The following ANO10 variants were observed in gnomAD, a reference collection of about 807,000 sequenced individuals.
The protein encoded by ANO10 is anoctamin-10.
Under a neutral mutation model 74.7 loss-of-function variants are expected in ANO10, and 77 were observed. The ratio of observed to expected loss-of-function variants is 1.03; its 90% CI spans 0.86 to 1.25. The LOEUF (loss-of-function observed/expected upper bound fraction) is 1.25. ANO10 is among the 50% of genes most tolerant of loss of function. The pLI, the probability that ANO10 is intolerant of heterozygous loss-of-function variation, is 0.00. For synonymous variants in ANO10, 279 were observed against 284.9 expected (o/e 0.98, Z 0.21); for missense variants, 721 against 778.1 (o/e 0.93, Z 0.87).
At chr3:43,660,541 TAGAGA>T (rs887747925) in intron 1 of ANO10, among the ~76,000 whole-genome samples, 3 of 151,846 alleles carry the variant, frequency 2.0e-5, no homozygotes, top group Non-Finnish European at 2.9e-5. Flanking sequence ...AAGACAAGAT[TAGAGA>T]AAAGAGAGTG....
chr3:43,663,221 T>C (rs1017213490), intron 1 of ANO10, among the ~76,000 whole-genome samples: 1 of 152,216 alleles, frequency 6.6e-6, no homozygotes, highest in African/African-American at 2.4e-5. Flanking sequence ...ATCCCTGGGA[T>C]GCAAGACTGG....
chr3:43,506,646 T>C (rs2149166712), intron 11 of ANO10, among the ~76,000 whole-genome samples: 1 of 152,288 alleles, frequency 6.6e-6, no homozygotes. Context: ...TCTTTGCTGT[T>C]CCTTAATAGC....
chr3:43,526,277 T>G (rs2078193113), intron 11 of ANO10, among the ~76,000 whole-genome samples: 1 of 152,240 alleles, frequency 6.6e-6, no homozygotes, highest in Non-Finnish European at 1.5e-5. Context: ...ATTTTATTAA[T>G]CTCTCTAATC....
At chr3:43,461,891 A>C (rs2075394129) in intron 11 of ANO10, among the ~76,000 whole-genome samples, 1 of 152,232 alleles carries the variant, frequency 6.6e-6, no homozygotes, top group Non-Finnish European at 1.5e-5. Context: ...CAGAGGTTCG[A>C]ACAGTTAGGA....
intron 11 of ANO10, among the ~76,000 whole-genome samples, chr3:43,504,280 A>ATAGG (rs202181247): frequency 0.071 from 10,124 of 143,392 alleles, 484 homozygotes; most frequent in Middle Eastern, 0.11. Context: ...AAATAAGTAG[A>ATAGG]TAGGTAGGTA....
intron 12 of ANO10, among the ~76,000 whole-genome samples, chr3:43,380,506 C>A (rs2091929836): frequency 1.3e-5 from 2 of 152,250 alleles, no homozygotes; most frequent in African/African-American, 2.4e-5. Context: ...TCATCAGAAA[C>A]CCTACAAGCT....
intron 11 of ANO10, among the ~76,000 whole-genome samples, chr3:43,510,667 T>C (rs911038370): frequency 1.3e-5 from 2 of 152,146 alleles, no homozygotes; most frequent in South Asian, 4.1e-4. Flanking sequence ...AACATTTAAA[T>C]TTTAAAAAAA....
Position 43,366,509 on chromosome 3 carries a change from C to A in ANO10, c.*397G>T. On this transcript the variant is annotated 3_prime_UTR_variant, in exon 13 of 13. Coordinates refer to ENST00000292246, the MANE Select transcript of ANO10 (RefSeq NM_018075.5). ...TGTGATGAGCACAGTGGGCACACAC[C>A]CCATCCCCAACCTGTCCACGGGTCC... is the stretch of plus-strand genomic sequence containing the variant. The A allele has an allele frequency of 2.7e-6, 1 of 363,836 alleles. No homozygotes were observed. Among genetic ancestry groups the A allele is most frequent in the Non-Finnish European group, 5.3e-6 (1 of 188,020 alleles). The allele number at this position is 363,836 out of a possible 1,614,324, so 22.5% of individuals were successfully genotyped here. A position where few individuals can be genotyped will look rare whatever the true frequency, so the allele number is the denominator to read the frequency against.
intron 11 of ANO10, among the ~76,000 whole-genome samples, chr3:43,536,233 A>G (rs994649501): frequency 5.3e-5 from 8 of 152,212 alleles, no homozygotes; most frequent in Non-Finnish European, 1.0e-4. Flanking sequence ...TACAAACTTT[A>G]TATTTATTAA....
At chr3:43,513,474 T>C (rs1432964087) in intron 11 of ANO10, among the ~76,000 whole-genome samples, 1 of 151,696 alleles carries the variant, frequency 6.6e-6, no homozygotes, top group Admixed American at 6.6e-5. Context: ...AAAGGAAAAA[T>C]ATGGAATTTC....
At chr3:43,668,379 T>C (rs2084017803) in intron 1 of ANO10, among the ~76,000 whole-genome samples, 1 of 152,190 alleles carries the variant, frequency 6.6e-6, no homozygotes, top group Non-Finnish European at 1.5e-5. Flanking sequence ...CTCTGTGGGC[T>C]GTTTGTTCTG....
At chr3:43,555,490 G>C in intron 9 of ANO10, 21 bp from the exon 10 acceptor site, 1 of 1,607,878 alleles carries the variant, frequency 6.2e-7, no homozygotes, top group Non-Finnish European at 8.5e-7. Flanking sequence ...AAACAAGCAT[G>C]CATTATTTTA....
chr3:43,466,835 A>G (rs968741990), intron 11 of ANO10, among the ~76,000 whole-genome samples: 2 of 152,228 alleles, frequency 1.3e-5, no homozygotes, highest in African/African-American at 4.8e-5. Flanking sequence ...CACTGGGGAA[A>G]ATATCTGCAA....
At chr3:43,532,955 T>C (rs1167813844) in intron 11 of ANO10, among the ~76,000 whole-genome samples, 1 of 152,178 alleles carries the variant, frequency 6.6e-6, no homozygotes, top group Non-Finnish European at 1.5e-5. Flanking sequence ...ACAAACGTTC[T>C]CTATACTCTC....
intron 1 of ANO10, among the ~76,000 whole-genome samples, chr3:43,683,512 A>G (rs2084230121): frequency 6.6e-6 from 1 of 152,208 alleles, no homozygotes; most frequent in East Asian, 1.9e-4. Context: ...GCCCGAGGTA[A>G]TTTATAGATT....
chr3:43,428,553 C>CTAT (rs200017284), intron 12 of ANO10, among the ~76,000 whole-genome samples: 1 of 152,002 alleles, frequency 6.6e-6, no homozygotes, highest in South Asian at 2.1e-4. Context: ...AAGCTATGAA[C>CTAT]GTTCTATTAG....
intron 12 of ANO10, among the ~76,000 whole-genome samples, chr3:43,430,584 T>G (rs1043515215): frequency 4.6e-5 from 7 of 152,142 alleles, no homozygotes; most frequent in Non-Finnish European, 8.8e-5. Flanking sequence ...TTACCATAAA[T>G]GAAATCCCCA....
chr3:43,448,326 A>C (rs535226867), intron 11 of ANO10, among the ~76,000 whole-genome samples: 38 of 148,096 alleles, frequency 2.6e-4, no homozygotes, highest in Non-Finnish European at 5.1e-4. Context: ...TCACTTATTC[A>C]TTCCACACTT....
At chr3:43,520,506 G>C (rs548965533) in intron 11 of ANO10, among the ~76,000 whole-genome samples, 1 of 152,240 alleles carries the variant, frequency 6.6e-6, no homozygotes, top group South Asian at 2.1e-4. Flanking sequence ...TGCACCATTT[G>C]TTGAAAAGAC....
Sources: gnomAD v4.1 joint callset for allele counts (sites outside exome capture counted in the v4.1 genomes callset) on GRCh38, gnomAD v4.1.1 for gene constraint, MANE v1.5 for transcripts, NCBI Gene and HGNC (gene_info 2026-07-23, HGNC 2026-07-21) for gene names.